Variants in ATL3 observed in about 807,000 individuals in gnomAD.
ATL3 encodes atlastin GTPase 3, also known as atlastin-3.
A neutral mutation model predicts 69.5 loss-of-function variants in ATL3; 49 were observed. That is an observed-to-expected ratio of 0.71 (90% CI 0.56 to 0.89). The LOEUF (loss-of-function observed/expected upper bound fraction) is 0.89, where lower values mean the gene tolerates loss of function less well. Ranked by LOEUF, ATL3 falls within the 40% of genes least tolerant of loss-of-function variation. The pLI, the probability that ATL3 is intolerant of heterozygous loss-of-function variation, is 0.00. For synonymous variants in ATL3, 214 were observed against 224.1 expected (o/e 0.95, Z 0.40); for missense variants, 606 against 645.7 (o/e 0.94, Z 0.67).
upstream of ATL3, chr11:63,671,487 G>A (rs1019477690): frequency 1.9e-4 from 279 of 1,462,874 alleles, no homozygotes; most frequent in Non-Finnish European, 2.4e-4. Context: ...AGCCGCGACG[G>A]AGCGAGCGCA....
At chr11:63,644,943 A>G (rs1010444839) in intron 6 of ATL3, among the ~76,000 whole-genome samples, 3 of 152,110 alleles carry the variant, frequency 2.0e-5, no homozygotes, top group African/African-American at 7.2e-5. Context: ...GTGGCCGGGC[A>G]CAGTGGCTCA....
Position 63,629,195 on chromosome 11 carries a change from G to T in ATL3, c.*124C>A. 1.4e-6 allele frequency: 1 copy of T among 717,180 alleles called. No homozygotes were observed. Among genetic ancestry groups the T allele is most frequent in the Non-Finnish European group, 2.5e-6 (1 of 407,052 alleles). The allele number at this position is 717,180 out of a possible 1,614,324, so 44.4% of individuals were successfully genotyped here. A position where few individuals can be genotyped will look rare whatever the true frequency, so the allele number is the denominator to read the frequency against. On this transcript the variant is annotated 3_prime_UTR_variant, in exon 13 of 13. Coordinates refer to ENST00000398868, the MANE Select transcript of ATL3 (RefSeq NM_015459.5). ...GTCTGCTCATTTATTACAGGGCCAT[G>T]TTTTAGCTCTTCCTGGATCGTCTCA...
rs1004901453 is a variant in ATL3, at chr11:63,624,126, T to C, written c.*5193A>G. ...TTATTCCATTAAATGATCTTACAAA[T>C]TGGAGTAAAACAGAAACATGCTTTT... On this transcript the variant is annotated 3_prime_UTR_variant, in exon 13 of 13. Coordinates refer to ENST00000398868, the MANE Select transcript of ATL3 (RefSeq NM_015459.5). 5.9e-5 allele frequency: 9 copies of C among 152,192 alleles called. No homozygotes were observed. Among genetic ancestry groups the C allele is most frequent in the Admixed American group, 2.6e-4 (4 of 15,270 alleles). 9.4% of individuals were successfully genotyped at this position (152,192 alleles called of 1,614,324 possible).
At chr11:63,647,231 CTT>C (rs1388986598) in intron 5 of ATL3, among the ~76,000 whole-genome samples, 3 of 151,974 alleles carry the variant, frequency 2.0e-5, no homozygotes, top group African/African-American at 4.8e-5. Context: ...GAGTTGTGCT[CTT>C]GTTGCCCAGG....
At chr11:63,652,103 G>A (rs1258292258) in intron 4 of ATL3, 117 bp from the exon 5 acceptor site, 2 of 1,458,356 alleles carry the variant, frequency 1.4e-6, no homozygotes, top group Admixed American at 3.1e-5. Flanking sequence ...AAGAACATGA[G>A]GCCTGTTCAA....
intron 1 of ATL3, among the ~76,000 whole-genome samples, chr11:63,660,841 G>GAT (rs1007866534): frequency 1.8e-4 from 28 of 151,800 alleles, no homozygotes; most frequent in South Asian, 6.2e-4. Flanking sequence ...GCTTTATTTA[G>GAT]ATATATATAT....
intron 4 of ATL3, 78 bp downstream of exon 4, chr11:63,652,393 G>C (rs780034485): frequency 6.6e-6 from 6 of 914,954 alleles, no homozygotes; most frequent in Middle Eastern, 2.3e-4. Context: ...TCTGTTAACA[G>C]AACAATAACC....
intron 5 of ATL3, among the ~76,000 whole-genome samples, chr11:63,651,514 G>A (rs1940079558): frequency 6.6e-6 from 1 of 151,930 alleles, no homozygotes; most frequent in Non-Finnish European, 1.5e-5. Flanking sequence ...ACCTTCCCCA[G>A]AGGAAAAGAC....
intron 9 of ATL3, 117 bp downstream of exon 9, chr11:63,636,090 C>T: frequency 2.2e-6 from 3 of 1,355,234 alleles, no homozygotes; most frequent in Non-Finnish European, 3.0e-6. Flanking sequence ...GAAAATGCCT[C>T]TCACCATCTC....
chr11:63,671,299 T>C lies in ATL3; in HGVS notation c.37A>G (p.Arg13Gly). ...SPQRVAAAAS[R>G]GADDAMESSK... ...AAAATCGGCGCCTCACCTGCTCCTC[T>C]TGAGGCAGCTGCTGCCACTCGCTGA... is the stretch of plus-strand genomic sequence containing the variant. The change falls in exon 1 of 13, where the codon AGA (arginine) becomes GGA (glycine). Residue 13 changes from arginine to glycine, a missense_variant. Arg to Gly is a moderately radical substitution (Grantham distance 125). Transcript: ENST00000398868. 1.3e-6 allele frequency: 2 copies of C among 1,587,260 alleles called. No individual in the cohort carries two copies. The highest frequency in any genetic ancestry group is 1.4e-5 in the African/African-American group (1 of 71,912).
At chr11:63,666,580 G>A (rs182478558) in intron 1 of ATL3, among the ~76,000 whole-genome samples, 1 of 151,706 alleles carries the variant, frequency 6.6e-6, no homozygotes, top group Non-Finnish European at 1.5e-5. Flanking sequence ...TGGGTGTGGT[G>A]GCTCATGCAT....
At chr11:63,670,729 G>A (rs1476116402) in intron 1 of ATL3, among the ~76,000 whole-genome samples, 1 of 152,250 alleles carries the variant, frequency 6.6e-6, no homozygotes, top group Admixed American at 6.5e-5. Context: ...AATACTTGTG[G>A]TCAGTGCCTC....
upstream of ATL3, chr11:63,671,886 G>A (rs1409409340): frequency 7.9e-6 from 3 of 379,880 alleles, no homozygotes. Context: ...GGAACCACCA[G>A]TGTGAGAGAC....
chr11:63,657,857 C>CTTT (rs1174775895), intron 3 of ATL3, among the ~76,000 whole-genome samples: 7 of 136,510 alleles, frequency 5.1e-5, no homozygotes, highest in Admixed American at 7.4e-5. Context: ...ATGCCATTGG[C>CTTT]TTTTTTTTTT....
intron 1 of ATL3, among the ~76,000 whole-genome samples, chr11:63,670,998 G>A (rs1940752417): frequency 6.6e-6 from 1 of 152,160 alleles, no homozygotes; most frequent in African/African-American, 2.4e-5. Context: ...AGGGGCAGCT[G>A]CAGCCCAGGG....
chr11:63,634,059 G>C (rs113019587), intron 10 of ATL3, among the ~76,000 whole-genome samples: 1,796 of 124,922 alleles, frequency 0.014, 43 homozygotes, highest in African/African-American at 0.054. Context: ...AAAAAAAAAA[G>C]GAAAAAGCCG....
chr11:63,671,973 C>T (rs1940803259), upstream of ATL3: 1 of 177,686 alleles, frequency 5.6e-6, no homozygotes, highest in African/African-American at 2.4e-5. Flanking sequence ...ATGAACGTCA[C>T]TGGGTCTTTA....
chr11:63,662,142 G>A (rs537387110), intron 1 of ATL3, among the ~76,000 whole-genome samples: 4 of 151,782 alleles, frequency 2.6e-5, no homozygotes, highest in East Asian at 1.9e-4. Context: ...GAACCTGCAC[G>A]GTGGAGGCTG....
At position 63,646,563 on chromosome 11, in the gene ATL3, G is replaced by A. The variant is rs2134496226; in HGVS notation, c.562C>T (p.Leu188Phe). 11 of 1,599,478 alleles carry A rather than the reference G, an allele frequency of 6.9e-6. No individual in the cohort carries two copies. The African/African-American group carries it at 1.1e-4, about 16-fold the overall frequency. ...IQEDDLQQLQ[L>F]FTEYGRLAMD... is the part of the protein sequence containing the mutation. ...GCCAGACGACCGTATTCTGTGAAGA[G>A]CTTTAAAAAAGAAGCATTATGGTTT... The change falls in exon 6 of 13, where the codon CTC becomes TTC. Residue 188 changes from leucine (L) to phenylalanine (F), a missense_variant and splice_region_variant. Leu to Phe is a conservative substitution (Grantham distance 22). Transcript: ENST00000398868.
Sources: allele counts gnomAD v4.1 joint callset (sites outside exome capture counted in the v4.1 genomes callset), GRCh38; gene constraint gnomAD v4.1.1; transcripts MANE v1.5; gene names NCBI Gene and HGNC (gene_info 2026-07-23, HGNC 2026-07-21).